The following MCM4 variants were observed in gnomAD, a reference collection of about 807,000 sequenced individuals.
MCM4 encodes the protein DNA replication licensing factor MCM4.
MCM4 carries 60 observed loss-of-function variants against 88.7 expected under a neutral mutation model. The ratio of observed to expected loss-of-function variants is 0.68; its 90% CI spans 0.55 to 0.84. MCM4 has a LOEUF of 0.84. Among genes scored for constraint, MCM4 ranks in the 40% least tolerant of loss-of-function variants. MCM4 has a pLI of 0.00. For synonymous variants in MCM4, 465 were observed against 410.5 expected (o/e 1.13, Z -1.61); for missense variants, 1,149 against 1,105.5 (o/e 1.04, Z -0.56).
In MCM4 at chr8:47,961,224, C is replaced by G. The variant is rs1459359096; in HGVS notation, c.70+10C>G. ...ACCCCCGCCCAGACGCGTGAGTCCC[C>G]CGAGCCGGGCCCACTACAGCCCCCG... On this transcript the variant is annotated intron_variant, in intron 2 of 16. Transcript: ENST00000649973. 3 of 1,497,160 alleles carry G rather than the reference C, an allele frequency of 2.0e-6. No homozygotes were observed. In the East Asian group the frequency reaches 8.4e-5, roughly 42 times the overall value. The allele number at this position is 1,497,160 out of a possible 1,614,324, so 92.7% of individuals were successfully genotyped here. A position where few individuals can be genotyped will look rare whatever the true frequency, so the allele number is the denominator to read the frequency against.
chr8:47,961,461 A>G lies in MCM4; in HGVS notation c.71-55A>G. On this transcript the variant is annotated intron_variant, in intron 2 of 16. Transcript: ENST00000649973. Reference sequence around the variant, plus strand: ...AATGCCCCAAGGAAAAGACAAATCCAGGAAGGCCGGCCCTGAAAGTTAATG... The same window carrying G: ...AATGCCCCAAGGAAAAGACAAATCCGGGAAGGCCGGCCCTGAAAGTTAATG... 4 of 1,612,160 alleles carry G rather than the reference A, an allele frequency of 2.5e-6. No homozygotes were observed. In the South Asian group the frequency reaches 3.3e-5, roughly 13 times the overall value.
chr8:47,964,398 GC>G (rs1261586381), intron 7 of MCM4, among the ~76,000 whole-genome samples, 175 bp from the exon 8 acceptor site: 2 of 152,204 alleles, frequency 1.3e-5, no homozygotes, highest in African/African-American at 4.8e-5. Flanking sequence ...TTGAAAATAT[GC>G]AGAAATAGAT....
rs778883681 is a variant in MCM4 at position 47,975,703 on chromosome 8, T to A, written c.2366-12T>A. On this transcript the variant is annotated splice_polypyrimidine_tract_variant and intron_variant, in intron 15 of 16. Coordinates refer to ENST00000649973, the MANE Select transcript of MCM4 (RefSeq NM_182746.3). ...TAGCAAAAATGTTTTCATTGATTTCTTTTTAAATCAGGGATGAGTGCCACC... is the reference window on the plus strand; with the variant it reads ...TAGCAAAAATGTTTTCATTGATTTCATTTTAAATCAGGGATGAGTGCCACC... 1 of 1,519,300 alleles carries A rather than the reference T, an allele frequency of 6.6e-7. No homozygotes were observed. Among genetic ancestry groups the A allele is most frequent in the Admixed American group, 2.5e-5 (1 of 39,554 alleles). The allele number at this position is 1,519,300 out of a possible 1,614,324, so 94.1% of individuals were successfully genotyped here. A position where few individuals can be genotyped will look rare whatever the true frequency, so the allele number is the denominator to read the frequency against.
intron 9 of MCM4, 25 bp from the exon 10 acceptor site, chr8:47,967,340 A>G (rs760029369): frequency 6.2e-7 from 1 of 1,613,826 alleles, no homozygotes; most frequent in Non-Finnish European, 8.5e-7. Context: ...TGTGGCCCAC[A>G]TGTTCTCTGT....
At chr8:47,967,926 G>A (rs545378801) in intron 10 of MCM4, among the ~76,000 whole-genome samples, 1 of 152,186 alleles carries the variant, frequency 6.6e-6, no homozygotes, top group Non-Finnish European at 1.5e-5. Context: ...ATAGCCAAGG[G>A]TTAACATTTG....
intron 7 of MCM4, 67 bp from the exon 8 acceptor site, chr8:47,964,507 G>T: frequency 7.9e-7 from 1 of 1,273,210 alleles, no homozygotes; most frequent in South Asian, 1.5e-5. Context: ...TTGCTAATCT[G>T]ACATGCCTTT....
intron 13 of MCM4, among the ~76,000 whole-genome samples, chr8:47,971,671 C>A (rs150840532): frequency 3.7e-4 from 57 of 152,220 alleles, no homozygotes; most frequent in South Asian, 1.2e-3. Context: ...TTACCTCCCA[C>A]GCCGTTTACA....
chr8:47,975,641 G>A, intron 15 of MCM4, 74 bp from the exon 16 acceptor site: 2 of 1,170,190 alleles, frequency 1.7e-6, no homozygotes, highest in Non-Finnish European at 2.4e-6. Context: ...ACTACTAAAG[G>A]AATATTTTTG....
At chr8:47,976,154 G>A (rs570663735) in intron 16 of MCM4, among the ~76,000 whole-genome samples, 2 of 152,180 alleles carry the variant, frequency 1.3e-5, no homozygotes, top group East Asian at 3.9e-4. Context: ...TTAGCTGGAT[G>A]TGGTGATAAG....
At chr8:47,976,619 T>C (rs2091003014) in intron 16 of MCM4, 67 bp from the exon 17 acceptor site, 6 of 1,115,106 alleles carry the variant, frequency 5.4e-6, no homozygotes, top group East Asian at 2.4e-5. Context: ...TTATAATTAT[T>C]GTGTTTCTAA....
chr8:47,962,650 A>T (rs528656509), intron 5 of MCM4, 114 bp from the exon 6 acceptor site: 1 of 751,104 alleles, frequency 1.3e-6, no homozygotes, highest in South Asian at 1.8e-5. Flanking sequence ...AAAGGAAGAA[A>T]AATATTATTT....
intron 13 of MCM4, among the ~76,000 whole-genome samples, chr8:47,971,941 T>C (rs1231703079): frequency 3.9e-5 from 6 of 152,034 alleles, no homozygotes; most frequent in Non-Finnish European, 8.8e-5. Flanking sequence ...TTCAAATCTT[T>C]CCATTGTCAG....
intron 10 of MCM4, among the ~76,000 whole-genome samples, 164 bp downstream of exon 10, chr8:47,967,649 T>A (rs1000485269): frequency 2.4e-4 from 36 of 152,224 alleles, no homozygotes; most frequent in African/African-American, 8.2e-4. Context: ...GCCACCTTTT[T>A]AACTGAGTAC....
intron 10 of MCM4, 35 bp from the exon 11 acceptor site, chr8:47,969,763 G>A (rs769201018): frequency 6.2e-7 from 1 of 1,610,558 alleles, no homozygotes; most frequent in Non-Finnish European, 8.5e-7. Flanking sequence ...GAAGATATGG[G>A]AAGGTAAAAG....
At chr8:47,970,114 T>C in intron 11 of MCM4, 57 bp downstream of exon 11, 4 of 1,573,710 alleles carry the variant, frequency 2.5e-6, no homozygotes, top group Non-Finnish European at 3.5e-6. Flanking sequence ...GATCAAATAG[T>C]ATAAACATCC....
At chr8:47,973,303 A>G (rs887068936) in intron 14 of MCM4, among the ~76,000 whole-genome samples, 3 of 151,268 alleles carry the variant, frequency 2.0e-5, no homozygotes, top group Non-Finnish European at 4.4e-5. Flanking sequence ...CAGCCTCCCT[A>G]TTAGCTGGGA....
rs1013639459 is a variant in MCM4 at position 47,969,836 on chromosome 8, G to C, written c.1213G>C (p.Val405Leu). 6.2e-7 allele frequency: 1 copy of C among 1,614,126 alleles called. No homozygotes were observed. Among genetic ancestry groups the C allele is most frequent in the Non-Finnish European group, 8.5e-7 (1 of 1,180,056 alleles). The change falls in exon 11 of 17, where the codon GTG (valine) becomes CTG (leucine). Residue 405 changes from valine (V) to leucine (L), a missense_variant. Coordinates refer to ENST00000649973, the MANE Select transcript of MCM4 (RefSeq NM_182746.3). ...TGTGCCTATTCGAGTCAATCCAAGA[G>C]TGAGTAATGTGAAGTCTGTCTACAA... ...RAVPIRVNPR[V>L]SNVKSVYKTH...
Position 47,967,471 on chromosome 8 carries a change from G to A in MCM4, c.1160G>A (p.Arg387Lys), listed in dbSNP as rs1563832980. ...GTTGACAAGGTCCAGCCTGGGGACA[G>A]AGTGAATGTTACAGGTAAGAGTGTA... The part of the protein sequence containing the change: ...DLVDKVQPGD[R>K]VNVTGIYRAV... The change falls in exon 10 of 17, where the codon AGA becomes AAA. Residue 387 changes from arginine (R) to lysine (K), a missense_variant. By Grantham distance (26) the Arg-to-Lys change is conservative. This residue lies in a region of MCM4 where 906 missense variants were observed against 843.0 expected (regional missense o/e 1.07). Transcript: ENST00000649973. 1.9e-6 allele frequency: 3 copies of A among 1,614,222 alleles called. No homozygotes were observed. Among genetic ancestry groups the A allele is most frequent in the Non-Finnish European group, 2.5e-6 (3 of 1,180,016 alleles).
chr8:47,973,032 C>G lies in MCM4; in HGVS notation c.2104C>G (p.Leu702Val). ...AYAHSTIMPR[L>V]SEEASQALIE... ...CGCGCACAGCACCATCATGCCGCGG[C>G]TAAGTGAGGAAGCCAGCCAGGCTCT... is the stretch of plus-strand genomic sequence containing the variant. The change falls in exon 14 of 17, where the codon CTA becomes GTA. Residue 702 changes from leucine to valine, a missense_variant. Coordinates refer to ENST00000649973, the MANE Select transcript of MCM4 (RefSeq NM_182746.3). 6.2e-7 allele frequency: 1 copy of G among 1,613,872 alleles called. No individual in the cohort carries two copies. The highest frequency in any genetic ancestry group is 8.5e-7 in the Non-Finnish European group (1 of 1,179,998).
Sources: gnomAD v4.1 joint callset for allele counts (sites outside exome capture counted in the v4.1 genomes callset) on GRCh38, gnomAD v4.1.1 for gene constraint, gnomAD v4.1.1 regional missense constraint, MANE v1.5 for transcripts, NCBI Gene and HGNC (gene_info 2026-07-23, HGNC 2026-07-21) for gene names.